The following NTM variants were observed in gnomAD, a reference collection of about 807,000 sequenced individuals.
NTM encodes IgLON family member 2.
A neutral mutation model predicts 42.1 loss-of-function variants in NTM; 13 were observed. That is an observed-to-expected ratio of 0.31 (90% CI 0.20 to 0.49). The LOEUF is 0.49. NTM is among the 20% of genes least tolerant of loss of function. The pLI is 0.99. For missense variants in NTM, 373 were observed against 452.8 expected (o/e 0.82, Z 1.60); for synonymous variants, 187 against 179.2 (o/e 1.04, Z -0.35).
At chr11:132,227,595 C>T (rs942950791) in intron 4 of NTM, among the ~76,000 whole-genome samples, 2 of 151,884 alleles carry the variant, frequency 1.3e-5, no homozygotes, top group African/African-American at 2.4e-5. Context: ...TGTTCCTCCT[C>T]CTCAAATAAA....
chr11:132,281,364 C>T (rs758596447), intron 4 of NTM, among the ~76,000 whole-genome samples: 18 of 152,178 alleles, frequency 1.2e-4, no homozygotes, highest in Non-Finnish European at 2.5e-4. Context: ...CTGACAGTGT[C>T]TAGGTAATCA....
chr11:132,123,029 CT>C (rs2065097109), intron 2 of NTM, among the ~76,000 whole-genome samples: 1 of 152,054 alleles, frequency 6.6e-6, no homozygotes, highest in Non-Finnish European at 1.5e-5. Flanking sequence ...GGCTGGCCTC[CT>C]CCTGGCACAC....
At chr11:131,632,978 C>A (rs185342705) in intron 1 of NTM, among the ~76,000 whole-genome samples, 11 of 152,244 alleles carry the variant, frequency 7.2e-5, no homozygotes, top group African/African-American at 2.2e-4. Flanking sequence ...ACTCGGGCAG[C>A]TTTGTTCAGA....
At chr11:131,927,526 C>T (rs930607593) in intron 2 of NTM, among the ~76,000 whole-genome samples, 3 of 152,184 alleles carry the variant, frequency 2.0e-5, no homozygotes, top group African/African-American at 7.2e-5. Flanking sequence ...TTTGTCTTTT[C>T]ACCTAAGGCC....
At chr11:132,208,830 T>A (rs1026229142) in intron 3 of NTM, among the ~76,000 whole-genome samples, 1 of 152,212 alleles carries the variant, frequency 6.6e-6, no homozygotes, top group African/African-American at 2.4e-5. Context: ...TTTTATTGCA[T>A]GGCATTGGCG....
At chr11:131,614,849 A>C (rs183735548) in intron 1 of NTM, among the ~76,000 whole-genome samples, 1 of 152,326 alleles carries the variant, frequency 6.6e-6, no homozygotes, top group East Asian at 1.9e-4. Flanking sequence ...GAGACACTGG[A>C]GATGCCTCCC....
intron 4 of NTM, among the ~76,000 whole-genome samples, chr11:132,270,633 G>A (rs1182680298): frequency 1.3e-5 from 2 of 151,058 alleles, no homozygotes; most frequent in Non-Finnish European, 2.9e-5. Flanking sequence ...TTTTGTATAT[G>A]TCTTTATAAA....
At chr11:131,772,350 G>A (rs193068139) in intron 1 of NTM, among the ~76,000 whole-genome samples, 9 of 152,294 alleles carry the variant, frequency 5.9e-5, no homozygotes, top group Non-Finnish European at 1.3e-4. Context: ...CAAGCGTCAT[G>A]AGATATCACC....
chr11:132,198,974 A>G (rs2080744380), intron 3 of NTM, among the ~76,000 whole-genome samples: 1 of 152,216 alleles, frequency 6.6e-6, no homozygotes, highest in Non-Finnish European at 1.5e-5. Flanking sequence ...AATGTTTCAG[A>G]CATGTAGACC....
chr11:131,487,164 C>G (rs1296796298), intron 1 of NTM, among the ~76,000 whole-genome samples: 16 of 152,192 alleles, frequency 1.1e-4, no homozygotes. Flanking sequence ...CCCCTGGAAG[C>G]CTGCCAGAAA....
chr11:131,447,240 G>T (rs1286823661), intron 1 of NTM, among the ~76,000 whole-genome samples: 2 of 152,326 alleles, frequency 1.3e-5, no homozygotes, highest in East Asian at 3.9e-4. Context: ...TGCCTCGGAT[G>T]TGATTTTGGA....
intron 4 of NTM, among the ~76,000 whole-genome samples, chr11:132,236,705 C>T (rs1471267999): frequency 6.6e-6 from 1 of 152,208 alleles, no homozygotes; most frequent in African/African-American, 2.4e-5. Context: ...GCAAGCCAGA[C>T]TGAAGCAGTG....
At chr11:132,312,211 G>T (rs970927900) in intron 6 of NTM, among the ~76,000 whole-genome samples, 2 of 152,164 alleles carry the variant, frequency 1.3e-5, no homozygotes, top group African/African-American at 4.8e-5. Context: ...GTCTGCCCTG[G>T]GGGGAAGGCC....
At chr11:131,892,282 G>A (rs896699715) in intron 1 of NTM, among the ~76,000 whole-genome samples, 7 of 152,190 alleles carry the variant, frequency 4.6e-5, no homozygotes, top group Non-Finnish European at 7.3e-5. Flanking sequence ...ACATGATAAA[G>A]TATAATTTAT....
At chr11:131,956,977 C>T (rs1240595496) in intron 2 of NTM, among the ~76,000 whole-genome samples, 2 of 151,318 alleles carry the variant, frequency 1.3e-5, no homozygotes, top group Non-Finnish European at 2.9e-5. Flanking sequence ...CTATTTTGTG[C>T]TGTCTACATT....
At chr11:131,594,661 A>C (rs1356989743) in intron 1 of NTM, among the ~76,000 whole-genome samples, 1 of 152,106 alleles carries the variant, frequency 6.6e-6, no homozygotes, top group Non-Finnish European at 1.5e-5. Context: ...AGCCTCCCAG[A>C]GTGCTGGGAT....
chr11:132,313,006 C>CCTAT (rs1331193636), intron 6 of NTM, among the ~76,000 whole-genome samples: 2 of 152,294 alleles, frequency 1.3e-5, no homozygotes, highest in East Asian at 1.9e-4. Context: ...GTCTGTCCAA[C>CCTAT]CTATCTTCTG....
At chr11:131,465,330 G>T (rs1951784594) in intron 1 of NTM, among the ~76,000 whole-genome samples, 1 of 152,204 alleles carries the variant, frequency 6.6e-6, no homozygotes, top group African/African-American at 2.4e-5. Context: ...ATAGCCCATT[G>T]CTTCTCTGCA....
intron 1 of NTM, among the ~76,000 whole-genome samples, chr11:131,416,025 A>G (rs983239613): frequency 2.6e-5 from 4 of 152,240 alleles, no homozygotes; most frequent in African/African-American, 9.6e-5. Context: ...TGGATAAACA[A>G]TGAAAACTAT....
Sources: gnomAD v4.1 joint callset for allele counts (sites outside exome capture counted in the v4.1 genomes callset) on GRCh38, gnomAD v4.1.1 for gene constraint, MANE v1.5 for transcripts, NCBI Gene and HGNC (gene_info 2026-07-23, HGNC 2026-07-21) for gene names.